Variants in EYS observed in about 807,000 individuals in gnomAD.
EYS encodes protein eyes shut homolog.
Under a neutral mutation model 282.1 loss-of-function variants are expected in EYS, and 250 were observed. The ratio of observed to expected loss-of-function variants is 0.89; its 90% CI spans 0.80 to 0.98. The LOEUF (loss-of-function observed/expected upper bound fraction) is 0.98, where lower values mean the gene tolerates loss of function less well. Ranked by LOEUF, EYS falls within the 50% of genes least tolerant of loss-of-function variation. EYS has a pLI of 0.00. For missense variants in EYS, 4,016 were observed against 3,709.0 expected, an observed-to-expected ratio of 1.08 and a Z score of -2.15; for synonymous variants, 1,355 against 1,282.9, an observed-to-expected ratio of 1.06 and a Z score of -1.20.
At chr6:64,240,211 T>C (rs1766762438) in intron 30 of EYS, among the ~76,000 whole-genome samples, 1 of 152,192 alleles carries the variant, frequency 6.6e-6, no homozygotes, top group African/African-American at 2.4e-5. Context: ...TTGTTCTTTT[T>C]GCTTCGGATT....
chr6:63,876,479 C>G (rs1445249517), intron 35 of EYS, among the ~76,000 whole-genome samples: 1 of 152,146 alleles, frequency 6.6e-6, no homozygotes, highest in African/African-American at 2.4e-5. Context: ...CTGTAAATGT[C>G]TATTAGGTCC....
chr6:64,683,302 A>G (rs1331340986), intron 22 of EYS, among the ~76,000 whole-genome samples: 1 of 152,228 alleles, frequency 6.6e-6, no homozygotes. Flanking sequence ...CTGATAGCAG[A>G]GAAATAATTA....
At chr6:64,818,455 T>G (rs1764805875) in intron 21 of EYS, among the ~76,000 whole-genome samples, 1 of 152,118 alleles carries the variant, frequency 6.6e-6, no homozygotes, top group South Asian at 2.1e-4. Flanking sequence ...GAGTACTGAC[T>G]CACACTATCA....
At chr6:64,387,968 T>C (rs1024476307) in intron 29 of EYS, among the ~76,000 whole-genome samples, 9 of 152,108 alleles carry the variant, frequency 5.9e-5, no homozygotes, top group South Asian at 2.1e-4. Flanking sequence ...AACAATAGCA[T>C]TTTATATTTC....
intron 8 of EYS, among the ~76,000 whole-genome samples, chr6:65,362,839 A>G (rs1432755417): frequency 6.6e-6 from 1 of 152,016 alleles, no homozygotes; most frequent in Non-Finnish European, 1.5e-5. Flanking sequence ...TTTCATTTTT[A>G]AACTTTATAA....
intron 13 of EYS, among the ~76,000 whole-genome samples, chr6:65,052,802 G>C (rs957527881): frequency 6.6e-6 from 1 of 151,614 alleles, no homozygotes; most frequent in Non-Finnish European, 1.5e-5. Flanking sequence ...GCTAAGTTCA[G>C]TTTCTAAGAC....
chr6:64,163,424 T>C (rs1775168608), intron 31 of EYS, among the ~76,000 whole-genome samples: 1 of 152,110 alleles, frequency 6.6e-6, no homozygotes, highest in Non-Finnish European at 1.5e-5. Context: ...GAATACTCTT[T>C]GCAATATTCT....
At chr6:64,278,834 GC>G (rs1768207161) in intron 30 of EYS, among the ~76,000 whole-genome samples, 1 of 151,776 alleles carries the variant, frequency 6.6e-6, no homozygotes, top group Non-Finnish European at 1.5e-5. Context: ...AATGATCATA[GC>G]TTACTGTAAC....
intron 31 of EYS, among the ~76,000 whole-genome samples, chr6:64,151,581 C>T (rs976736131): frequency 2.6e-5 from 4 of 151,210 alleles, no homozygotes; most frequent in African/African-American, 9.7e-5. Flanking sequence ...AGGATGGTCT[C>T]GATCTCCTGA....
At chr6:65,056,249 G>C (rs140448407) in intron 13 of EYS, among the ~76,000 whole-genome samples, 1 of 151,470 alleles carries the variant, frequency 6.6e-6, no homozygotes, top group South Asian at 2.1e-4. Context: ...ACATTTTCTG[G>C]CATTACAATA....
At chr6:64,252,596 C>G (rs150971531) in intron 30 of EYS, among the ~76,000 whole-genome samples, 151 of 152,288 alleles carry the variant, frequency 9.9e-4, no homozygotes, top group African/African-American at 3.5e-3. Flanking sequence ...CTTTCAAAGC[C>G]ATTCACAAGC....
chr6:64,304,960 G>C (rs1056414822), intron 30 of EYS, among the ~76,000 whole-genome samples: 2 of 152,022 alleles, frequency 1.3e-5, no homozygotes, highest in Non-Finnish European at 2.9e-5. Flanking sequence ...AACTTAATAA[G>C]CTAAAAAAGA....
chr6:64,653,844 A>G (rs895419613), intron 22 of EYS, among the ~76,000 whole-genome samples: 4 of 151,718 alleles, frequency 2.6e-5, no homozygotes, highest in African/African-American at 9.7e-5. Context: ...GGATGACAGG[A>G]ATGAGCCACC....
At chr6:65,590,648 G>T (rs1001365625) in intron 2 of EYS, among the ~76,000 whole-genome samples, 2 of 151,760 alleles carry the variant, frequency 1.3e-5, no homozygotes, top group Non-Finnish European at 2.9e-5. Context: ...ATCCCTCTAG[G>T]CCTCTGCTAG....
chr6:63,738,867 C>T (rs1390602459), intron 41 of EYS, among the ~76,000 whole-genome samples: 1 of 152,116 alleles, frequency 6.6e-6, no homozygotes, highest in Non-Finnish European at 1.5e-5. Flanking sequence ...AACTAATCTC[C>T]ACCCACTAGC....
intron 26 of EYS, among the ~76,000 whole-genome samples, chr6:64,538,653 T>C (rs1764602225): frequency 6.6e-6 from 1 of 152,198 alleles, no homozygotes; most frequent in South Asian, 2.1e-4. Flanking sequence ...ATAACAATAC[T>C]AATAAATTAT....
intron 29 of EYS, among the ~76,000 whole-genome samples, chr6:64,359,071 G>A (rs1199169458): frequency 1.3e-5 from 2 of 151,572 alleles, no homozygotes; most frequent in Admixed American, 1.3e-4. Flanking sequence ...AGATATCACA[G>A]ACAATTCAAA....
chr6:64,809,710 C>T (rs1450528870), intron 22 of EYS, among the ~76,000 whole-genome samples: 1 of 151,918 alleles, frequency 6.6e-6, no homozygotes, highest in East Asian at 1.9e-4. Context: ...TCCTAAATGA[C>T]CAAACACAAG....
At chr6:63,830,035 G>T (rs1771584382) in intron 36 of EYS, among the ~76,000 whole-genome samples, 1 of 152,188 alleles carries the variant, frequency 6.6e-6, no homozygotes. Flanking sequence ...CAAACAGAAA[G>T]GACATCCACA....
Sources: gnomAD v4.1 joint callset for allele counts (sites outside exome capture counted in the v4.1 genomes callset) on GRCh38, gnomAD v4.1.1 for gene constraint, MANE v1.5 for transcripts, NCBI Gene and HGNC (gene_info 2026-07-23, HGNC 2026-07-21) for gene names.